Variants in MTHFD2L observed in about 807,000 individuals in gnomAD.
MTHFD2L encodes the protein methylenetetrahydrofolate dehydrogenase (NADP+ dependent) 2 like.
A neutral mutation model predicts 34.9 loss-of-function variants in MTHFD2L; 29 were observed. That is an observed-to-expected ratio of 0.83 (90% CI 0.62 to 1.13). The LOEUF is 1.13. Among genes scored for constraint, MTHFD2L ranks in the 50% most tolerant of loss-of-function variants. The probability of loss-of-function intolerance (pLI) is 0.00; values close to 1 mark genes in which losing one functional copy is unlikely to be tolerated. For missense variants in MTHFD2L, 481 were observed against 446.5 expected, an observed-to-expected ratio of 1.08 and a Z score of -0.70; for synonymous variants, 167 against 155.7, an observed-to-expected ratio of 1.07 and a Z score of -0.54.
At chr4:74,216,443 T>G (rs1025876502) in intron 5 of MTHFD2L, among the ~76,000 whole-genome samples, 1 of 151,872 alleles carries the variant, frequency 6.6e-6, no homozygotes, top group African/African-American at 2.4e-5. Context: ...AAAATCCCAG[T>G]GTGGTCAGTG....
chr4:74,118,054 C>T (rs1390360806), intron 2 of MTHFD2L, among the ~76,000 whole-genome samples: 1 of 152,200 alleles, frequency 6.6e-6, no homozygotes, highest in Admixed American at 6.5e-5. Flanking sequence ...GTTGTACTTA[C>T]AACTCCTACA....
intron 6 of MTHFD2L, among the ~76,000 whole-genome samples, chr4:74,232,179 A>G (rs982586680): frequency 1.3e-5 from 2 of 152,218 alleles, no homozygotes; most frequent in Admixed American, 6.5e-5. Context: ...ATAAGCATAA[A>G]TAAATTAAGA....
At chr4:74,220,217 G>T (rs1000309818) in intron 5 of MTHFD2L, among the ~76,000 whole-genome samples, 1 of 151,882 alleles carries the variant, frequency 6.6e-6, no homozygotes, top group Non-Finnish European at 1.5e-5. Flanking sequence ...AGATGGGTGG[G>T]TGCTTTATAA....
chr4:74,164,641 G>T (rs1237577280), intron 1 of MTHFD2L, among the ~76,000 whole-genome samples: 1 of 152,222 alleles, frequency 6.6e-6, no homozygotes. Context: ...GTCAACAAGA[G>T]AGTATTCCCA....
chr4:74,201,991 C>T (rs1578448379), intron 5 of MTHFD2L, among the ~76,000 whole-genome samples: 1 of 152,106 alleles, frequency 6.6e-6, no homozygotes, highest in South Asian at 2.1e-4. Flanking sequence ...CAGAAATTTG[C>T]AGGGGTCTGT....
rs763988586 is a variant in MTHFD2L at position 74,173,762 on chromosome 4, T to G, written c.144-744T>G. 6.0e-4 allele frequency among the ~76,000 whole-genome samples: 92 copies of G among 152,282 alleles called. 1 individual carries two copies. Among genetic ancestry groups the G allele is most frequent in the South Asian group, 6.2e-4 (3 of 4,822 alleles). ...TAGAAAAAATAGCAGAACTTTAAAT[T>G]TAGGCAATATTATAGTCCAGATCTT... On this transcript the variant is annotated intron_variant, in intron 1 of 7. Transcript: ENST00000325278.
intron 6 of MTHFD2L, among the ~76,000 whole-genome samples, chr4:74,279,677 G>T (rs1427913579): frequency 1.3e-5 from 2 of 151,938 alleles, no homozygotes; most frequent in Admixed American, 1.3e-4. Flanking sequence ...TTTTTATCTT[G>T]AACTTTTTTC....
chr4:74,237,651 G>A (rs947710508), intron 6 of MTHFD2L, among the ~76,000 whole-genome samples: 1 of 152,254 alleles, frequency 6.6e-6, no homozygotes, highest in East Asian at 1.9e-4. Flanking sequence ...CTTGATCTTG[G>A]TTTAAGCTTT....
intron 5 of MTHFD2L, among the ~76,000 whole-genome samples, chr4:74,204,668 A>G (rs1734997200): frequency 6.6e-6 from 1 of 152,170 alleles, no homozygotes; most frequent in South Asian, 2.1e-4. Flanking sequence ...TAATTTCTTG[A>G]TAAATTTCAA....
intron 3 of MTHFD2L, among the ~76,000 whole-genome samples, chr4:74,182,561 C>T (rs150239979): frequency 2.0e-5 from 3 of 152,144 alleles, no homozygotes; most frequent in Non-Finnish European, 4.4e-5. Context: ...TAGATCTTAG[C>T]GTAAATGTCA....
intron 6 of MTHFD2L, among the ~76,000 whole-genome samples, chr4:74,248,900 A>C: frequency 6.7e-6 from 1 of 148,510 alleles, no homozygotes; most frequent in Admixed American, 6.7e-5. Context: ...TTTACTTCCA[A>C]GTATGTGGTC....
Position 74,302,772 on chromosome 4 carries a change from T to C in MTHFD2L, c.*963T>C, listed in dbSNP as rs768952721. The C allele has an allele frequency of 6.6e-6, 1 of 152,146 alleles. No homozygotes were observed. The highest frequency in any genetic ancestry group is 2.4e-5 in the African/African-American group (1 of 41,456). The allele number at this position is 152,146 out of a possible 1,614,324, so 9.4% of individuals were successfully genotyped here. A position where few individuals can be genotyped will look rare whatever the true frequency, so the allele number is the denominator to read the frequency against. ...TCAATGTGCCAAAACTAAACCTTAG[T>C]ATACAACTAAAAATCTCCTGCCTTC... On this transcript the variant is annotated 3_prime_UTR_variant, in exon 8 of 8. Transcript: ENST00000325278.
intron 6 of MTHFD2L, among the ~76,000 whole-genome samples, chr4:74,246,263 G>A (rs1251805409): frequency 3.9e-5 from 6 of 151,940 alleles, no homozygotes; most frequent in Non-Finnish European, 8.8e-5. Flanking sequence ...TCTTTTGGCT[G>A]CATAAATGTC....
In MTHFD2L at chr4:74,199,873, A is replaced by G; in HGVS notation, c.531A>G (p.Gly177=). The G allele has an allele frequency of 6.2e-7, 1 of 1,613,882 alleles. No individual in the cohort carries two copies. The highest frequency in any genetic ancestry group is 8.5e-7 in the Non-Finnish European group (1 of 1,179,866). Residue 177 remains glycine (G), a synonymous_variant, in exon 4 of 8, where the codon GGA becomes GGG. Transcript: ENST00000325278. Reference sequence around the variant, plus strand: ...ATGGATTTCATATTATCAATATTGGAAGATTGTGCCTTGATCAGCATTCTC... The same window carrying G: ...ATGGATTTCATATTATCAATATTGGGAGATTGTGCCTTGATCAGCATTCTC... ...DVDGFHIINI[G]RLCLDQHSLI...
chr4:74,262,722 C>A (rs1744828893), intron 6 of MTHFD2L, among the ~76,000 whole-genome samples: 1 of 151,888 alleles, frequency 6.6e-6, no homozygotes, highest in Admixed American at 6.6e-5. Context: ...TTGATGATAT[C>A]AAATGTTGGC....
At chr4:74,298,094 A>G (rs190373945) in intron 7 of MTHFD2L, among the ~76,000 whole-genome samples, 4 of 152,204 alleles carry the variant, frequency 2.6e-5, no homozygotes, top group Admixed American at 2.0e-4. Flanking sequence ...GTGTTTTCCA[A>G]AGTCAAATTA....
upstream of MTHFD2L, among the ~76,000 whole-genome samples, chr4:74,156,138 G>A (rs1484986790): frequency 6.6e-6 from 1 of 151,916 alleles, no homozygotes; most frequent in Non-Finnish European, 1.5e-5. Context: ...AAGTTCTGTA[G>A]GTTTTGACAA....
chr4:74,279,210 G>T (rs769488204), intron 6 of MTHFD2L, among the ~76,000 whole-genome samples: 9 of 151,912 alleles, frequency 5.9e-5, no homozygotes, highest in Non-Finnish European at 1.2e-4. Context: ...ATTTTCAAAT[G>T]AAATGGGAAA....
chr4:74,162,660 C>T (rs1280126470), intron 1 of MTHFD2L, among the ~76,000 whole-genome samples: 7 of 152,078 alleles, frequency 4.6e-5, no homozygotes. Flanking sequence ...TGAGATTTTG[C>T]ATATACAGTA....
Sources: gnomAD v4.1 joint callset for allele counts (sites outside exome capture counted in the v4.1 genomes callset) on GRCh38, gnomAD v4.1.1 for gene constraint, MANE v1.5 for transcripts, NCBI Gene and HGNC (gene_info 2026-07-23, HGNC 2026-07-21) for gene names.